The following MAGI2 variants were observed in gnomAD, a reference collection of about 807,000 sequenced individuals.
MAGI2 encodes membrane-associated guanylate kinase, WW and PDZ domain-containing protein 2.
In MAGI2, 35 loss-of-function variants were observed where a neutral mutation model predicts 133.3. That is an observed-to-expected ratio of 0.26 (90% CI 0.20 to 0.35). The LOEUF (loss-of-function observed/expected upper bound fraction) is 0.35, where lower values mean the gene tolerates loss of function less well. Among genes scored for constraint, MAGI2 ranks in the 10% least tolerant of loss-of-function variants. The pLI is 1.00. For synonymous variants in MAGI2, 729 were observed against 710.6 expected (o/e 1.03, Z -0.41); for missense variants, 1,636 against 1,863.4 (o/e 0.88, Z 2.25).
Position 79,134,854 on chromosome 7 carries a change from G to A in MAGI2, c.302-127648C>T, listed in dbSNP as rs146704307. Among the ~76,000 whole-genome samples, 211 of 152,312 alleles carry A rather than the reference G, an allele frequency of 1.4e-3. 2 individuals are homozygous for A. Among genetic ancestry groups the A allele is most frequent in the Non-Finnish European group, 1.9e-3 (128 of 68,026 alleles). On this transcript the variant is annotated intron_variant, in intron 1 of 21. Transcript: ENST00000354212. Reference sequence around the variant, plus strand: ...ATTGGCATTTTCAATAGAAGGCTTTGACATTGGCTGGTTTTCAGATAATAG... The same window carrying A: ...ATTGGCATTTTCAATAGAAGGCTTTAACATTGGCTGGTTTTCAGATAATAG...
At chr7:78,874,712 T>C (rs1242011844) in intron 2 of MAGI2, among the ~76,000 whole-genome samples, 1 of 152,132 alleles carries the variant, frequency 6.6e-6, no homozygotes, top group Non-Finnish European at 1.5e-5. Flanking sequence ...AGTTCTAGTG[T>C]TCCATTACAC....
chr7:79,227,089 A>G (rs1015509062), intron 1 of MAGI2, among the ~76,000 whole-genome samples: 12 of 152,284 alleles, frequency 7.9e-5, no homozygotes, highest in Admixed American at 2.6e-4. Context: ...TAAACATCCA[A>G]TTTCAGGGTT....
intron 9 of MAGI2, among the ~76,000 whole-genome samples, chr7:78,327,774 C>T (rs1031542193): frequency 6.6e-6 from 1 of 152,114 alleles, no homozygotes; most frequent in Admixed American, 6.6e-5. Flanking sequence ...TGATGCTGTG[C>T]AATAAGGGGC....
At chr7:78,956,199 G>A (rs1384438222) in intron 2 of MAGI2, among the ~76,000 whole-genome samples, 1 of 151,970 alleles carries the variant, frequency 6.6e-6, no homozygotes, top group African/African-American at 2.4e-5. Context: ...GAAACCAGGA[G>A]GTCTATTAAT....
intron 2 of MAGI2, among the ~76,000 whole-genome samples, chr7:78,879,409 G>T (rs2151539883): frequency 1.3e-5 from 2 of 152,224 alleles, no homozygotes; most frequent in Admixed American, 6.5e-5. Context: ...CAATCTACTG[G>T]CCTGTAGGTT....
chr7:78,086,773 C>A (rs76330029), intron 20 of MAGI2, among the ~76,000 whole-genome samples: 5,248 of 151,658 alleles, frequency 0.035, 111 homozygotes, highest in East Asian at 0.066. Context: ...TAGCTGGGAC[C>A]ACAGGCGTGC....
At chr7:79,113,916 C>A (rs1819164655) in intron 1 of MAGI2, among the ~76,000 whole-genome samples, 1 of 152,120 alleles carries the variant, frequency 6.6e-6, no homozygotes, top group Non-Finnish European at 1.5e-5. Flanking sequence ...TATTACCTTT[C>A]AGAGGCCCTG....
chr7:79,125,362 A>T, intron 1 of MAGI2: 1 of 478,370 alleles, frequency 2.1e-6, no homozygotes, highest in East Asian at 5.1e-5. Flanking sequence ...AAGTGGTTTC[A>T]GTGGGAATGA....
At chr7:78,445,355 A>G (rs117898099) in intron 6 of MAGI2, among the ~76,000 whole-genome samples, 2 of 152,040 alleles carry the variant, frequency 1.3e-5, no homozygotes, top group African/African-American at 4.8e-5. Flanking sequence ...ATAACTATGG[A>G]TTTTCTATCC....
chr7:78,406,673 G>A (rs1303046095), intron 6 of MAGI2, among the ~76,000 whole-genome samples: 1 of 151,914 alleles, frequency 6.6e-6, no homozygotes, highest in Non-Finnish European at 1.5e-5. Flanking sequence ...TCTAAGCTAG[G>A]CTTTACAGTC....
chr7:79,128,208 T>C lies in MAGI2; in HGVS notation c.302-121002A>G, dbSNP rs536348328. Among the ~76,000 whole-genome samples the C allele has an allele frequency of 8.5e-5, 13 of 152,072 alleles. No homozygotes were observed. The South Asian group carries it at 2.7e-3, about 32-fold the overall frequency. ...CTCCTTTTTTTTTTGACCCAGAAAC[T>C]CCAGGATTCACATATTATATGGTTT... On this transcript the variant is annotated intron_variant, in intron 1 of 21. Coordinates refer to ENST00000354212, the MANE Select transcript of MAGI2 (RefSeq NM_012301.4).
intron 6 of MAGI2, among the ~76,000 whole-genome samples, chr7:78,393,327 C>T (rs951878461): frequency 7.9e-5 from 12 of 152,294 alleles, no homozygotes; most frequent in Middle Eastern, 3.4e-3. Context: ...TGCAAAGCAG[C>T]GGCAACAGTG....
intron 2 of MAGI2, among the ~76,000 whole-genome samples, chr7:78,989,186 G>A (rs1242482431): frequency 6.6e-6 from 1 of 151,964 alleles, no homozygotes; most frequent in Admixed American, 6.6e-5. Context: ...CTGTCCTGCT[G>A]CTACTCTCAT....
At chr7:78,319,053 A>T (rs530477206) in intron 9 of MAGI2, among the ~76,000 whole-genome samples, 5 of 152,362 alleles carry the variant, frequency 3.3e-5, no homozygotes, top group African/African-American at 1.2e-4. Context: ...AAGAAACTGC[A>T]TCAACTAACA....
intron 1 of MAGI2, among the ~76,000 whole-genome samples, chr7:79,176,771 A>G (rs1486985363): frequency 6.6e-6 from 1 of 152,000 alleles, no homozygotes; most frequent in Non-Finnish European, 1.5e-5. Context: ...ATATCTTAGT[A>G]AAATAATTTT....
intron 21 of MAGI2, among the ~76,000 whole-genome samples, chr7:78,061,540 A>G (rs1280132544): frequency 6.6e-6 from 1 of 151,860 alleles, no homozygotes; most frequent in Non-Finnish European, 1.5e-5. Flanking sequence ...CAAGAGGAGG[A>G]ATATTTTGGG....
intron 9 of MAGI2, among the ~76,000 whole-genome samples, chr7:78,337,289 C>T (rs950426314): frequency 6.6e-6 from 1 of 152,206 alleles, no homozygotes; most frequent in African/African-American, 2.4e-5. Flanking sequence ...TCTGGAACAT[C>T]ATAGGATCAT....
At chr7:79,334,403 T>C (rs1375267699) in intron 1 of MAGI2, among the ~76,000 whole-genome samples, 2 of 152,184 alleles carry the variant, frequency 1.3e-5, no homozygotes, top group Non-Finnish European at 2.9e-5. Flanking sequence ...TTTAGGACTT[T>C]TCCATAATCT....
chr7:79,387,129 T>TGTGTGTGTGTGTG (rs1563176235), intron 1 of MAGI2, among the ~76,000 whole-genome samples: 34 of 151,454 alleles, frequency 2.2e-4, no homozygotes, highest in Middle Eastern at 3.4e-3. Flanking sequence ...TGTGTGTGTG[T>TGTGTGTGTGTGTG]TAACATTAAC....
Sources: allele counts gnomAD v4.1 joint callset (sites outside exome capture counted in the v4.1 genomes callset), GRCh38; gene constraint gnomAD v4.1.1; transcripts MANE v1.5; gene names NCBI Gene and HGNC (gene_info 2026-07-23, HGNC 2026-07-21).